PLCL2: variants seen among roughly 807,000 people sequenced by gnomAD.
PLCL2 encodes phospholipase C like 2.
PLCL2 carries 4 observed loss-of-function variants against 79.6 expected under a neutral mutation model. That is an observed-to-expected ratio of 0.05 (90% CI 0.02 to 0.11). The LOEUF (loss-of-function observed/expected upper bound fraction) is 0.11, where lower values mean the gene tolerates loss of function less well. Among genes scored for constraint, PLCL2 ranks in the 10% least tolerant of loss-of-function variants. The pLI is 1.00. For synonymous variants in PLCL2, 484 were observed against 457.7 expected (o/e 1.06, Z -0.73); for missense variants, 895 against 1,291.0 (o/e 0.69, Z 4.70).
intron 1 of PLCL2, among the ~76,000 whole-genome samples, chr3:16,943,350 T>A (rs191879988): frequency 1.5e-3 from 235 of 152,296 alleles, no homozygotes; most frequent in African/African-American, 4.5e-3. Context: ...TTGCTTTAGG[T>A]ATAGTCAAAG....
chr3:16,972,252 A>G (rs2063877258), intron 1 of PLCL2, among the ~76,000 whole-genome samples: 1 of 152,216 alleles, frequency 6.6e-6, no homozygotes, highest in Admixed American at 6.5e-5. Flanking sequence ...CCCTGTTTGC[A>G]GATGACATGA....
At chr3:16,958,460 T>C (rs1173673315) in intron 1 of PLCL2, among the ~76,000 whole-genome samples, 1 of 152,074 alleles carries the variant, frequency 6.6e-6, no homozygotes, top group Non-Finnish European at 1.5e-5. Flanking sequence ...AAGACTGTAA[T>C]AAAAAAAGTG....
chr3:16,957,528 G>T (rs1287197749), intron 1 of PLCL2, among the ~76,000 whole-genome samples: 1 of 152,326 alleles, frequency 6.6e-6, no homozygotes, highest in Admixed American at 6.5e-5. Context: ...GGACAGTTCT[G>T]TAGATGTCTG....
intron 5 of PLCL2, among the ~76,000 whole-genome samples, chr3:17,073,541 C>A (rs186118136): frequency 6.6e-6 from 1 of 152,128 alleles, no homozygotes; most frequent in African/African-American, 2.4e-5. Context: ...GACAGTGGAG[C>A]TTGCTACACT....
intron 5 of PLCL2, among the ~76,000 whole-genome samples, chr3:17,079,273 C>T (rs559436531): frequency 2.0e-5 from 3 of 152,158 alleles, no homozygotes; most frequent in Non-Finnish European, 4.4e-5. Flanking sequence ...CTGGAACCCT[C>T]TCCTGACACC....
intron 1 of PLCL2, among the ~76,000 whole-genome samples, chr3:16,973,058 G>C (rs1425519950): frequency 6.6e-6 from 1 of 152,130 alleles, no homozygotes; most frequent in East Asian, 1.9e-4. Context: ...AGACTCGGTT[G>C]CGTGATTGCT....
intron 1 of PLCL2, among the ~76,000 whole-genome samples, chr3:16,907,659 G>A (rs1033579959): frequency 6.6e-6 from 1 of 152,120 alleles, no homozygotes; most frequent in African/African-American, 2.4e-5. Flanking sequence ...TCTCTAAAAT[G>A]TATATAATGA....
intron 1 of PLCL2, among the ~76,000 whole-genome samples, chr3:16,940,851 C>T (rs943032993): frequency 6.6e-6 from 1 of 152,112 alleles, no homozygotes; most frequent in Non-Finnish European, 1.5e-5. Flanking sequence ...ATGCATTTAG[C>T]GTGGTGCCAG....
chr3:17,044,257 G>A (rs1234037160), intron 4 of PLCL2: 1 of 152,346 alleles, frequency 6.6e-6, no homozygotes, highest in African/African-American at 2.4e-5. Flanking sequence ...GGGAAGGGAT[G>A]GTGAGCCATC....
intron 1 of PLCL2, among the ~76,000 whole-genome samples, chr3:16,930,783 T>G (rs1385514104): frequency 2.0e-5 from 3 of 152,210 alleles, no homozygotes; most frequent in Non-Finnish European, 4.4e-5. Flanking sequence ...GTCCCAAATG[T>G]TATTCATGAT....
chr3:16,936,381 G>A (rs539094046), intron 1 of PLCL2, among the ~76,000 whole-genome samples: 1 of 152,206 alleles, frequency 6.6e-6, no homozygotes, highest in African/African-American at 2.4e-5. Context: ...GCTCCTTATC[G>A]AAGCCCTGGT....
intron 1 of PLCL2, among the ~76,000 whole-genome samples, chr3:16,971,358 A>T (rs1257856338): frequency 6.6e-6 from 1 of 152,154 alleles, no homozygotes; most frequent in Non-Finnish European, 1.5e-5. Flanking sequence ...GGTTTGTCAA[A>T]GATCAGATAT....
Position 17,090,010 on chromosome 3 carries a change from G to A in PLCL2, c.*98G>A, listed in dbSNP as rs180991692. Reference sequence around the variant, plus strand: ...GCACTCACTAATGAGAATAATATTCGGGATTTTAAAGCACAACTGGAATAG... The same window carrying A: ...GCACTCACTAATGAGAATAATATTCAGGATTTTAAAGCACAACTGGAATAG... On this transcript the variant is annotated 3_prime_UTR_variant, in exon 6 of 6. Coordinates refer to ENST00000615277, the MANE Select transcript of PLCL2 (RefSeq NM_001144382.2). The A allele has an allele frequency of 1.7e-5, 24 of 1,427,776 alleles. No homozygotes were observed. Among genetic ancestry groups the A allele is most frequent in the East Asian group, 2.5e-5 (1 of 40,322 alleles). 88.4% of individuals were successfully genotyped at this position (1,427,776 alleles called of 1,614,324 possible). A position where few individuals can be genotyped will look rare whatever the true frequency, so the allele number is the denominator to read the frequency against.
chr3:17,011,725 T>C lies in PLCL2; in HGVS notation c.2379T>C (p.Asp793=), dbSNP rs767726898. ...VYVEIHGIPA[D]CAEQRTKTVH... ...TTGAAATCCATGGAATCCCTGCTGA[T>C]TGTGCAGAACAAAGGACAAAAACAG... is the stretch of plus-strand genomic sequence containing the variant. Residue 793 remains aspartate, a synonymous_variant, in exon 2 of 6, where the codon GAT becomes GAC. Transcript: ENST00000615277. The surrounding 1 kb of genome is among the most constrained non-coding windows in gnomAD (Gnocchi z 7.9). 5.0e-6 allele frequency: 8 copies of C among 1,614,136 alleles called. No homozygotes were observed. Among genetic ancestry groups the C allele is most frequent in the African/African-American group, 4.0e-5 (3 of 75,056 alleles).
chr3:16,919,513 C>T (rs979380613), intron 1 of PLCL2, among the ~76,000 whole-genome samples: 8 of 152,012 alleles, frequency 5.3e-5, no homozygotes, highest in African/African-American at 1.2e-4. Context: ...TATCCCTTTT[C>T]GGTTTCATTA....
intron 3 of PLCL2, among the ~76,000 whole-genome samples, chr3:17,031,635 G>T (rs2064583575): frequency 6.6e-6 from 1 of 152,172 alleles, no homozygotes; most frequent in Non-Finnish European, 1.5e-5. Flanking sequence ...ATTGTTTAAT[G>T]TGAGACTATT....
intron 4 of PLCL2, among the ~76,000 whole-genome samples, chr3:17,057,765 A>G (rs912846109): frequency 4.6e-5 from 7 of 152,236 alleles, no homozygotes; most frequent in African/African-American, 1.7e-4. Flanking sequence ...CTTGAGGGCA[A>G]GGGACCTTTG....
intron 1 of PLCL2, among the ~76,000 whole-genome samples, chr3:16,891,991 A>G (rs975017630): frequency 6.6e-6 from 1 of 152,236 alleles, no homozygotes; most frequent in Non-Finnish European, 1.5e-5. Flanking sequence ...CCTCTTAGGC[A>G]ACTACATCTT....
intron 1 of PLCL2, among the ~76,000 whole-genome samples, chr3:16,926,193 A>G (rs1308213106): frequency 6.6e-6 from 1 of 152,232 alleles, no homozygotes; most frequent in Non-Finnish European, 1.5e-5. Context: ...CTTCATGATA[A>G]TTGACATTTC....
Sources: allele counts gnomAD v4.1 joint callset (sites outside exome capture counted in the v4.1 genomes callset), GRCh38; gene constraint gnomAD v4.1.1; non-coding constraint Gnocchi (gnomAD v3.1); transcripts MANE v1.5; gene names NCBI Gene and HGNC (gene_info 2026-07-23, HGNC 2026-07-21).